Variants in AGAP1 observed in about 807,000 individuals in gnomAD.
AGAP1 encodes arf-GAP with GTPase, ANK repeat and PH domain-containing protein 1.
A neutral mutation model predicts 105.3 loss-of-function variants in AGAP1; 29 were observed. That is an observed-to-expected ratio of 0.28 (90% CI 0.21 to 0.38). The LOEUF (loss-of-function observed/expected upper bound fraction) is 0.38, where lower values mean the gene tolerates loss of function less well. Ranked by LOEUF, AGAP1 falls within the 10% of genes least tolerant of loss-of-function variation. AGAP1 has a pLI of 1.00. For synonymous variants in AGAP1, 509 were observed against 485.9 expected (o/e 1.05, Z -0.63); for missense variants, 998 against 1,165.1 (o/e 0.86, Z 2.09).
intron 9 of AGAP1, among the ~76,000 whole-genome samples, chr2:235,840,782 T>A (rs548582559): frequency 2.6e-5 from 4 of 151,332 alleles, no homozygotes; most frequent in African/African-American, 9.7e-5. Flanking sequence ...TTTTTTTTTT[T>A]ATAAATGAGG....
chr2:235,734,526 GAA>G lies in AGAP1; in HGVS notation c.311-6425_311-6424del, dbSNP rs373216833. Among the ~76,000 whole-genome samples, 4,476 of 128,664 alleles carry G rather than the reference GAA, an allele frequency of 0.035. 176 individuals are homozygous for G. Among genetic ancestry groups the G allele is most frequent in the African/African-American group, 0.11 (3,967 of 35,872 alleles). 84.4% of individuals were successfully genotyped at this position (128,664 alleles called of 152,430 possible). ...TCATTTTCATCCTTAGCTCAGGCAT[GAA>G]AAAAAAAAAAAGAATAGTAAAAATT... On this transcript the variant is annotated intron_variant, in intron 3 of 17. Coordinates refer to ENST00000304032, the MANE Select transcript of AGAP1 (RefSeq NM_001037131.3). The surrounding 1 kb of genome is among the most constrained non-coding windows in gnomAD (Gnocchi z 5.3).
Position 236,105,893 on chromosome 2 carries a change from G to T in AGAP1, c.2115-14299G>T, listed in dbSNP as rs145112983. Among the ~76,000 whole-genome samples, 28 of 152,234 alleles carry T rather than the reference G, an allele frequency of 1.8e-4. No individual in the cohort carries two copies. The highest frequency in any genetic ancestry group is 6.3e-4 in the African/African-American group (26 of 41,538). ...ATTACAGGCGTGAGCCATCGTGCCCGGCCCCTCTTGTGCCTCTTCTTATAA... is the reference window on the plus strand; with the variant it reads ...ATTACAGGCGTGAGCCATCGTGCCCTGCCCCTCTTGTGCCTCTTCTTATAA... On this transcript the variant is annotated intron_variant, in intron 16 of 17. Coordinates refer to ENST00000304032, the MANE Select transcript of AGAP1 (RefSeq NM_001037131.3). The surrounding 1 kb of genome is among the most constrained non-coding windows in gnomAD (Gnocchi z 4.2).
At chr2:235,731,045 C>CTCTA (rs1385481523) in intron 3 of AGAP1, among the ~76,000 whole-genome samples, 6 of 152,116 alleles carry the variant, frequency 3.9e-5, no homozygotes, top group African/African-American at 1.4e-4. Flanking sequence ...GGACAAAAAC[C>CTCTA]TCTATCAGGA....
At chr2:235,770,161 T>A (rs1483014226) in intron 6 of AGAP1, among the ~76,000 whole-genome samples, 2 of 140,282 alleles carry the variant, frequency 1.4e-5, no homozygotes, top group Non-Finnish European at 3.1e-5. Context: ...GGAGTCTCAC[T>A]GTATCGCCCA....
At chr2:235,538,872 T>G (rs1489572142) in intron 1 of AGAP1, among the ~76,000 whole-genome samples, 1 of 152,192 alleles carries the variant, frequency 6.6e-6, no homozygotes, top group Middle Eastern at 3.2e-3. Context: ...TTTTTAAAAG[T>G]AAGTGGAAAA....
intron 13 of AGAP1, among the ~76,000 whole-genome samples, chr2:235,987,285 C>T (rs184804692): frequency 3.4e-4 from 51 of 152,044 alleles, no homozygotes; most frequent in South Asian, 2.3e-3. Flanking sequence ...AGTTTATTTG[C>T]ATAGAGGTAT....
chr2:236,014,801 G>T lies in AGAP1; in HGVS notation c.1646-21760G>T. On this transcript the variant is annotated intron_variant, in intron 13 of 17. Coordinates refer to ENST00000304032, the MANE Select transcript of AGAP1 (RefSeq NM_001037131.3). The surrounding 1 kb of genome is among the most constrained non-coding windows in gnomAD (Gnocchi z 6.3). Reference sequence around the variant, plus strand: ...CCTCTCCCCTTTCTGCTCTCGGGATGCAGCCAAACGCAAAGCATGGAAACT... The same window carrying T: ...CCTCTCCCCTTTCTGCTCTCGGGATTCAGCCAAACGCAAAGCATGGAAACT... The T allele has an allele frequency of 2.2e-6, 1 of 449,648 alleles. No homozygotes were observed. Among genetic ancestry groups the T allele is most frequent in the South Asian group, 1.6e-5 (1 of 61,292 alleles). 27.9% of individuals were successfully genotyped at this position (449,648 alleles called of 1,614,324 possible). A position where few individuals can be genotyped will look rare whatever the true frequency, so the allele number is the denominator to read the frequency against.
chr2:235,782,973 GTTTA>G (rs1321098499), intron 6 of AGAP1, among the ~76,000 whole-genome samples: 1 of 151,832 alleles, frequency 6.6e-6, no homozygotes, highest in East Asian at 1.9e-4. Context: ...ATTGTGGTTT[GTTTA>G]TTTTAGTTTT....
intron 13 of AGAP1, among the ~76,000 whole-genome samples, chr2:235,980,111 A>G (rs978857251): frequency 6.6e-6 from 1 of 152,226 alleles, no homozygotes; most frequent in Non-Finnish European, 1.5e-5. Context: ...GAGGAGAGTG[A>G]AAGGACGACC....
intron 11 of AGAP1, among the ~76,000 whole-genome samples, chr2:235,922,792 T>C (rs1022162529): frequency 6.6e-6 from 1 of 152,238 alleles, no homozygotes; most frequent in Non-Finnish European, 1.5e-5. Flanking sequence ...CATACTGATA[T>C]TCATTCAGAT....
Position 235,659,144 on chromosome 2 carries a change from C to T in AGAP1, c.164-50035C>T, listed in dbSNP as rs1181513149. Reference sequence around the variant, plus strand: ...GGCCCTGGAGCTGGATTCCCACACCCTGCCGAGTTTGTGCGTTTCTGTGAA... The same window carrying T: ...GGCCCTGGAGCTGGATTCCCACACCTTGCCGAGTTTGTGCGTTTCTGTGAA... On this transcript the variant is annotated intron_variant, in intron 1 of 17. Coordinates refer to ENST00000304032, the MANE Select transcript of AGAP1 (RefSeq NM_001037131.3). The surrounding 1 kb of genome is among the most constrained non-coding windows in gnomAD (Gnocchi z 5.0). 6.6e-6 allele frequency among the ~76,000 whole-genome samples: 1 copy of T among 152,236 alleles called. No homozygotes were observed. The highest frequency in any genetic ancestry group is 1.5e-5 in the Non-Finnish European group (1 of 68,038).
At position 235,692,766 on chromosome 2, in the gene AGAP1, A is replaced by G. The variant is rs1949796595; in HGVS notation, c.164-16413A>G. Among the ~76,000 whole-genome samples the G allele has an allele frequency of 6.6e-6, 1 of 152,172 alleles. No homozygotes were observed. Among genetic ancestry groups the G allele is most frequent in the Admixed American group, 6.5e-5 (1 of 15,278 alleles). On this transcript the variant is annotated intron_variant, in intron 1 of 17. Transcript: ENST00000304032. The surrounding 1 kb of genome is among the most constrained non-coding windows in gnomAD (Gnocchi z 5.8). ...CTGCATGGCATTTGTTACAGCCCGCAGTCACAGGTCTTGCGGTGGACTTGC... is the reference window on the plus strand; with the variant it reads ...CTGCATGGCATTTGTTACAGCCCGCGGTCACAGGTCTTGCGGTGGACTTGC...
intron 16 of AGAP1, among the ~76,000 whole-genome samples, chr2:236,086,100 G>T (rs2058921530): frequency 6.6e-6 from 1 of 152,126 alleles, no homozygotes. Context: ...CCCTCCTCCT[G>T]CTTAGAGATA....
chr2:236,010,564 C>T (rs1217197744), intron 13 of AGAP1, among the ~76,000 whole-genome samples: 1 of 152,166 alleles, frequency 6.6e-6, no homozygotes, highest in African/African-American at 2.4e-5. Flanking sequence ...CATCTGCCAA[C>T]CTGAAGACGC....
chr2:235,519,930 C>T (rs1309027351), intron 1 of AGAP1, among the ~76,000 whole-genome samples: 1 of 151,992 alleles, frequency 6.6e-6, no homozygotes, highest in Non-Finnish European at 1.5e-5. Context: ...TTACAGGTGC[C>T]CACCACCACA....
In AGAP1 at chr2:235,970,804, G is replaced by A. The variant is rs1001292633; in HGVS notation, c.1645+2181G>A. On this transcript the variant is annotated intron_variant, in intron 13 of 17. Coordinates refer to ENST00000304032, the MANE Select transcript of AGAP1 (RefSeq NM_001037131.3). The surrounding 1 kb of genome is among the most constrained non-coding windows in gnomAD (Gnocchi z 5.4). ...TTTGAAGGAAGTTTGACAAGTGACCGTGACCACGTTGGACGCCTGATGTTT... is the reference window on the plus strand; with the variant it reads ...TTTGAAGGAAGTTTGACAAGTGACCATGACCACGTTGGACGCCTGATGTTT... Among the ~76,000 whole-genome samples, 3 of 152,192 alleles carry A rather than the reference G, an allele frequency of 2.0e-5. No individual in the cohort carries two copies. The highest frequency in any genetic ancestry group is 4.8e-5 in the African/African-American group (2 of 41,436).
In AGAP1 at chr2:235,983,871, C is replaced by T. The variant is rs915410106; in HGVS notation, c.1645+15248C>T. Among the ~76,000 whole-genome samples, 2 of 152,216 alleles carry T rather than the reference C, an allele frequency of 1.3e-5. No individual in the cohort carries two copies. Among genetic ancestry groups the T allele is most frequent in the Non-Finnish European group, 2.9e-5 (2 of 68,042 alleles). On this transcript the variant is annotated intron_variant, in intron 13 of 17. Coordinates refer to ENST00000304032, the MANE Select transcript of AGAP1 (RefSeq NM_001037131.3). The surrounding 1 kb of genome is among the most constrained non-coding windows in gnomAD (Gnocchi z 4.5). Reference sequence around the variant, plus strand: ...GCCTAACGACACATTTCTCAGAATGCATCACTTAACGATGGGGATACATGG... The same window carrying T: ...GCCTAACGACACATTTCTCAGAATGTATCACTTAACGATGGGGATACATGG...
intron 2 of AGAP1, among the ~76,000 whole-genome samples, chr2:235,713,776 A>G (rs969593073): frequency 1.3e-5 from 2 of 152,328 alleles, no homozygotes; most frequent in East Asian, 1.9e-4. Context: ...AGAAATATAT[A>G]GCTCACAGTT....
rs556040169 is a variant in AGAP1 at position 235,752,836 on chromosome 2, C to T, written c.673+2348C>T. ...GCCTTCCTGCCAAACAGCCTTTGTA[C>T]GTTCTGGCTGCTCTAACAAGACCCA... On this transcript the variant is annotated intron_variant, in intron 6 of 17. Transcript: ENST00000304032. The surrounding 1 kb of genome is among the most constrained non-coding windows in gnomAD (Gnocchi z 4.3). 6.6e-6 allele frequency among the ~76,000 whole-genome samples: 1 copy of T among 152,176 alleles called. No individual in the cohort carries two copies. The highest frequency in any genetic ancestry group is 1.5e-5 in the Non-Finnish European group (1 of 68,032).
Sources: gnomAD v4.1 joint callset for allele counts (sites outside exome capture counted in the v4.1 genomes callset) on GRCh38, gnomAD v4.1.1 for gene constraint, Gnocchi (gnomAD v3.1) non-coding constraint, MANE v1.5 for transcripts, NCBI Gene and HGNC (gene_info 2026-07-23, HGNC 2026-07-21) for gene names.